Variants in CRHR1 observed in about 807,000 individuals in gnomAD.
CRHR1 encodes the protein corticotropin releasing hormone receptor 1, also known as corticotropin-releasing hormone receptor 1.
CRHR1 carries 28 observed loss-of-function variants against 56.0 expected under a neutral mutation model. The ratio of observed to expected loss-of-function variants is 0.50; its 90% confidence interval spans 0.37 to 0.69. CRHR1 has a LOEUF of 0.69. Ranked by LOEUF, CRHR1 falls within the 30% of genes least tolerant of loss-of-function variation. The probability of loss-of-function intolerance (pLI) is 0.00; values close to 1 mark genes in which losing one functional copy is unlikely to be tolerated. For synonymous variants in CRHR1, 195 were observed against 216.5 expected, an observed-to-expected ratio of 0.90 and a Z score of 0.87; for missense variants, 376 against 548.0, an observed-to-expected ratio of 0.69 and a Z score of 3.13.
At position 45,833,170 on chromosome 17, in the gene CRHR1, C is replaced by A; in HGVS notation, c.803C>A (p.Thr268Asn). The A allele has an allele frequency of 6.2e-7, 1 of 1,614,180 alleles. No individual in the cohort carries two copies. The highest frequency in any genetic ancestry group is 8.5e-7 in the Non-Finnish European group (1 of 1,180,030). ...CWFGKRPGVY[T>N]DYIYQGPMIL... ...TTTGGCAAAAGGCCTGGGGTGTACA[C>A]CGACTACATCTACCAGGGCCCCATG... The change falls in exon 9 of 13, where the codon ACC becomes AAC. Residue 268 changes from threonine (T) to asparagine (N), a missense_variant. Physicochemically the swap from Thr to Asn is moderately conservative, Grantham distance 65. Coordinates refer to ENST00000314537, the MANE Select transcript of CRHR1 (RefSeq NM_004382.5).
At chr17:45,796,104 G>A (rs1185118151) in intron 1 of CRHR1, among the ~76,000 whole-genome samples, 1 of 152,164 alleles carries the variant, frequency 6.6e-6, no homozygotes, top group African/African-American at 2.4e-5. Flanking sequence ...TGCCGACACC[G>A]AAATCCCCCT....
intron 1 of CRHR1, among the ~76,000 whole-genome samples, chr17:45,797,435 C>G (rs1160994641): frequency 6.6e-6 from 1 of 151,902 alleles, no homozygotes; most frequent in Non-Finnish European, 1.5e-5. Context: ...GGACTACAGG[C>G]GCCCGCCACC....
intron 2 of CRHR1, among the ~76,000 whole-genome samples, chr17:45,809,140 G>C (rs2061772161): frequency 6.6e-6 from 1 of 152,236 alleles, no homozygotes; most frequent in Non-Finnish European, 1.5e-5. Flanking sequence ...AGCTACAGCA[G>C]GAGGTGAGCA....
chr17:45,816,638 A>C lies in CRHR1; in HGVS notation c.241+56A>C. ...CTGGGAGGTGGGACAGGATGGGGAG[A>C]GCTTGGAGGTGGGGGAAGGAAGAAT... On this transcript the variant is annotated intron_variant, in intron 3 of 12. Transcript: ENST00000314537. The C allele has an allele frequency of 3.1e-6, 5 of 1,607,904 alleles. No individual in the cohort carries two copies. In the South Asian group the frequency reaches 5.5e-5, roughly 18 times the overall value.
At chr17:45,816,700 C>A (rs912752704) in intron 3 of CRHR1, 118 bp downstream of exon 3, 7 of 1,488,462 alleles carry the variant, frequency 4.7e-6, no homozygotes, top group South Asian at 1.3e-5. Context: ...TTGTGGGGAT[C>A]GCCCCTGTTT....
chr17:45,789,615 C>A (rs1022972676), intron 1 of CRHR1, among the ~76,000 whole-genome samples: 1 of 151,890 alleles, frequency 6.6e-6, no homozygotes, highest in Non-Finnish European at 1.5e-5. Context: ...TGGGCTCAAG[C>A]GATCCTCCCA....
chr17:45,827,743 C>T (rs1176829868), intron 4 of CRHR1: 1 of 152,300 alleles, frequency 6.6e-6, no homozygotes, highest in Non-Finnish European at 1.5e-5. Flanking sequence ...AATGAGGGTG[C>T]TCCTTCAGAA....
chr17:45,809,144 G>A (rs1238669589), intron 2 of CRHR1, among the ~76,000 whole-genome samples: 6 of 152,208 alleles, frequency 3.9e-5, no homozygotes, highest in Non-Finnish European at 8.8e-5. Flanking sequence ...ACAGCAGGAG[G>A]TGAGCAAGGA....
intron 8 of CRHR1, 82 bp from the exon 9 acceptor site, chr17:45,833,056 T>G (rs2062351048): frequency 7.8e-7 from 1 of 1,274,852 alleles, no homozygotes; most frequent in African/African-American, 1.5e-5. Context: ...CCCAGTCCTG[T>G]CCTGGCCAAG....
chr17:45,788,153 G>A (rs543051944), intron 1 of CRHR1, among the ~76,000 whole-genome samples: 4 of 152,354 alleles, frequency 2.6e-5, no homozygotes, highest in East Asian at 1.9e-4. Context: ...CCAAGTGCCC[G>A]TGTGGCCTAG....
intron 2 of CRHR1, among the ~76,000 whole-genome samples, chr17:45,813,754 C>T (rs933407044): frequency 6.6e-6 from 1 of 152,266 alleles, no homozygotes; most frequent in African/African-American, 2.4e-5. Context: ...CATTTGGCCA[C>T]TTTGGCCTCA....
intron 1 of CRHR1, among the ~76,000 whole-genome samples, chr17:45,789,545 A>T (rs888874131): frequency 2.0e-5 from 3 of 150,986 alleles, no homozygotes; most frequent in Non-Finnish European, 4.4e-5. Flanking sequence ...CTAATTTTAA[A>T]TTTTTTTGTA....
In CRHR1 at chr17:45,834,877, C is replaced by T. The variant is rs1271327457; in HGVS notation, c.*113C>T. 4 of 1,432,698 alleles carry T rather than the reference C, an allele frequency of 2.8e-6. No homozygotes were observed. The highest frequency in any genetic ancestry group is 1.4e-5 in the African/African-American group (1 of 71,344). 88.7% of individuals were successfully genotyped at this position (1,432,698 alleles called of 1,614,324 possible). On this transcript the variant is annotated 3_prime_UTR_variant, in exon 13 of 13. Transcript: ENST00000314537. ...CTGTTAGGTCTCATGCCCACTCCCC[C>T]AGGAGCAGCTGGCACTGACAGCCTG...
At position 45,816,567 on chromosome 17, in the gene CRHR1, C is replaced by T. The variant is rs1454028018; in HGVS notation, c.226C>T (p.Arg76Cys). 5 of 1,613,968 alleles carry T rather than the reference C, an allele frequency of 3.1e-6. No individual in the cohort carries two copies. Among genetic ancestry groups the T allele is most frequent in the Admixed American group, 1.7e-5 (1 of 60,002 alleles). ...RPCPAFFYGVRYNTTNNGYRE... is the reference protein window; with the variant it reads ...RPCPAFFYGVCYNTTNNGYRE... ...CTGCCCTGCCTTTTTCTATGGTGTC[C>T]GCTACAATACCACAAGTAAGGAAGA... Residue 76 changes from arginine to cysteine, a missense_variant, in exon 3 of 13, where the codon CGC becomes TGC. Transcript: ENST00000314537.
At chr17:45,791,057 G>A (rs368397420) in intron 1 of CRHR1, among the ~76,000 whole-genome samples, 13 of 152,320 alleles carry the variant, frequency 8.5e-5, no homozygotes, top group African/African-American at 3.1e-4. Flanking sequence ...CCCTCCCTCT[G>A]TGATCCATCC....
At position 45,833,171 on chromosome 17, in the gene CRHR1, C is replaced by T. The variant is rs79608615; in HGVS notation, c.804C>T (p.Thr268=). The T allele has an allele frequency of 8.4e-5, 135 of 1,614,106 alleles. 2 individuals are homozygous for T. In the Middle Eastern group the frequency reaches 2.1e-3, roughly 26 times the overall value. The change falls in exon 9 of 13, where the codon ACC becomes ACT. Residue 268 remains threonine, a synonymous_variant. Coordinates refer to ENST00000314537, the MANE Select transcript of CRHR1 (RefSeq NM_004382.5). ...TTGGCAAAAGGCCTGGGGTGTACACCGACTACATCTACCAGGGCCCCATGA... is the reference window on the plus strand; with the variant it reads ...TTGGCAAAAGGCCTGGGGTGTACACTGACTACATCTACCAGGGCCCCATGA... ...CWFGKRPGVY[T]DYIYQGPMIL...
intron 1 of CRHR1, among the ~76,000 whole-genome samples, chr17:45,806,488 G>T (rs566676098): frequency 6.6e-6 from 1 of 152,324 alleles, no homozygotes; most frequent in East Asian, 1.9e-4. Context: ...GGATAATTAG[G>T]CAGGCGGGGA....
chr17:45,834,919 C>A lies in CRHR1; in HGVS notation c.*155C>A. 9.8e-7 allele frequency: 1 copy of A among 1,015,680 alleles called. No homozygotes were observed. The highest frequency in any genetic ancestry group is 1.4e-6 in the Non-Finnish European group (1 of 697,626). The allele number at this position is 1,015,680 out of a possible 1,614,324, so 62.9% of individuals were successfully genotyped here. On this transcript the variant is annotated 3_prime_UTR_variant, in exon 13 of 13. Coordinates refer to ENST00000314537, the MANE Select transcript of CRHR1 (RefSeq NM_004382.5). ...GACAGCCTGGGGGGGCCGCTCTCCC[C>A]CTGCAGCCGTGCAGGACTCTAGCTC...
chr17:45,818,634 G>A (rs2061976126), intron 3 of CRHR1, among the ~76,000 whole-genome samples: 1 of 152,214 alleles, frequency 6.6e-6, no homozygotes, highest in African/African-American at 2.4e-5. Flanking sequence ...GTCAGTCTGT[G>A]AGGGCAGGGC....
Sources: allele counts gnomAD v4.1 joint callset (sites outside exome capture counted in the v4.1 genomes callset), GRCh38; gene constraint gnomAD v4.1.1; transcripts MANE v1.5; gene names NCBI Gene and HGNC (gene_info 2026-07-23, HGNC 2026-07-21).